Variants in TOP6BL observed in about 807,000 individuals in gnomAD.
The protein encoded by TOP6BL is type 2 DNA topoisomerase 6 subunit B-like.
chr11:66,814,084 T>C, the TOP6BL span: 2 of 1,469,464 alleles, frequency 1.4e-6, no homozygotes, highest in African/African-American at 1.4e-5. Context: ...AAAGGAAATA[T>C]GAATAGAACG....
the TOP6BL span, chr11:66,748,436 T>G: frequency 1.9e-6 from 3 of 1,548,482 alleles, no homozygotes; most frequent in Middle Eastern, 3.3e-4. Context: ...AAAGGGAGCA[T>G]TGCTAGAAGG....
chr11:66,782,373 C>A, the TOP6BL span, among the ~76,000 whole-genome samples: 1 of 152,222 alleles, frequency 6.6e-6, no homozygotes, highest in African/African-American at 2.4e-5. Flanking sequence ...TATGTAGTCT[C>A]ACTCTCTGCA....
the TOP6BL span, among the ~76,000 whole-genome samples, chr11:66,808,510 G>A: frequency 1.3e-5 from 2 of 151,338 alleles, no homozygotes; most frequent in South Asian, 2.1e-4. Context: ...CCTGGGTGAC[G>A]TGAGACCAGT....
the TOP6BL span, among the ~76,000 whole-genome samples, chr11:66,784,007 TTTTTTTTGG>T: frequency 1.5e-4 from 22 of 151,268 alleles, no homozygotes; most frequent in Admixed American, 1.1e-3. Flanking sequence ...TTTGTTTTTG[TTTTTTTTGG>T]TTTTTGTTTT....
At chr11:66,756,797 T>C in the TOP6BL span, among the ~76,000 whole-genome samples, 1 of 152,102 alleles carries the variant, frequency 6.6e-6, no homozygotes, top group Non-Finnish European at 1.5e-5. Context: ...CTACAACCTC[T>C]GTTTCCTGGG....
At chr11:66,754,088 G>A in the TOP6BL span, among the ~76,000 whole-genome samples, 5 of 152,210 alleles carry the variant, frequency 3.3e-5, no homozygotes, top group Non-Finnish European at 5.9e-5. Context: ...TCAGGAAGAA[G>A]GAGAATGGGG....
At chr11:66,836,370 C>T in the TOP6BL span, among the ~76,000 whole-genome samples, 1 of 151,722 alleles carries the variant, frequency 6.6e-6, no homozygotes, top group Non-Finnish European at 1.5e-5. Flanking sequence ...CTACCACGCC[C>T]GGCTAATTTT....
chr11:66,785,155 C>CTACTAAAG, the TOP6BL span, among the ~76,000 whole-genome samples: 1 of 151,726 alleles, frequency 6.6e-6, no homozygotes, highest in Non-Finnish European at 1.5e-5. Flanking sequence ...GACGGGGTTT[C>CTACTAAAG]ACCATGTTGT....
At chr11:66,804,187 T>G in the TOP6BL span, 4 of 1,597,098 alleles carry the variant, frequency 2.5e-6, no homozygotes, top group South Asian at 3.4e-5. Flanking sequence ...TTTCTTCAGT[T>G]TCCATATCCT....
chr11:66,754,097 G>A, the TOP6BL span, among the ~76,000 whole-genome samples: 3 of 152,204 alleles, frequency 2.0e-5, no homozygotes, highest in African/African-American at 7.2e-5. Flanking sequence ...AGGAGAATGG[G>A]GTATTTGTTT....
At chr11:66,833,815 G>C in the TOP6BL span, among the ~76,000 whole-genome samples, 1 of 152,050 alleles carries the variant, frequency 6.6e-6, no homozygotes, top group Non-Finnish European at 1.5e-5. Context: ...AGGCCTGTTG[G>C]CACACCCTTG....
At chr11:66,814,947 T>C in the TOP6BL span, among the ~76,000 whole-genome samples, 1 of 152,136 alleles carries the variant, frequency 6.6e-6, no homozygotes, top group East Asian at 1.9e-4. Context: ...TATGCGACCA[T>C]GGGCTGATAT....
the TOP6BL span, among the ~76,000 whole-genome samples, chr11:66,779,777 G>T: frequency 6.6e-6 from 1 of 152,218 alleles, no homozygotes; most frequent in East Asian, 1.9e-4. Flanking sequence ...GTCCAACAAT[G>T]ATAGACTGGA....
chr11:66,840,898 G>A, the TOP6BL span, among the ~76,000 whole-genome samples: 1 of 151,996 alleles, frequency 6.6e-6, no homozygotes, highest in Non-Finnish European at 1.5e-5. Flanking sequence ...GTTGACCACT[G>A]CCTCTGGGCT....
chr11:66,796,613 C>G, the TOP6BL span, among the ~76,000 whole-genome samples: 1 of 151,754 alleles, frequency 6.6e-6, no homozygotes, highest in African/African-American at 2.4e-5. Flanking sequence ...GACTCTGTCT[C>G]TACAAAAAAA....
the TOP6BL span, among the ~76,000 whole-genome samples, chr11:66,775,294 C>T: frequency 1.3e-5 from 2 of 151,982 alleles, no homozygotes; most frequent in Non-Finnish European, 2.9e-5. Context: ...TTTTAGTTGT[C>T]ACACTTTTAA....
chr11:66,764,496 C>CAAAAA, the TOP6BL span, among the ~76,000 whole-genome samples: 1 of 58,636 alleles, frequency 1.7e-5, no homozygotes, highest in African/African-American at 5.3e-5. Context: ...ACTAAAAATA[C>CAAAAA]AAAAAAAAAA....
the TOP6BL span, among the ~76,000 whole-genome samples, chr11:66,836,519 C>A: frequency 6.7e-6 from 1 of 149,870 alleles, no homozygotes; most frequent in East Asian, 2.1e-4. Flanking sequence ...CTCTTTTGCC[C>A]ATTTTTAAAT....
the TOP6BL span, among the ~76,000 whole-genome samples, chr11:66,795,530 G>C: frequency 2.6e-5 from 4 of 151,980 alleles, no homozygotes; most frequent in African/African-American, 4.8e-5. Flanking sequence ...TCGAACTCCT[G>C]ACCTCAGGTA....
Sources: gnomAD v4.1 joint callset for allele counts (sites outside exome capture counted in the v4.1 genomes callset) on GRCh38, gnomAD v4.1.1 for gene constraint, MANE v1.5 for transcripts, NCBI Gene and HGNC (gene_info 2026-07-23, HGNC 2026-07-21) for gene names.